The following CHRM3 variants were observed in gnomAD, a reference collection of about 807,000 sequenced individuals.
CHRM3 encodes the protein cholinergic receptor muscarinic 3.
In CHRM3, 11 loss-of-function variants were observed where a neutral mutation model predicts 41.8. The ratio of observed to expected loss-of-function variants is 0.26; its 90% CI spans 0.17 to 0.44. The LOEUF (loss-of-function observed/expected upper bound fraction) is 0.44, where lower values mean the gene tolerates loss of function less well. CHRM3 is among the 20% of genes least tolerant of loss of function. The probability of loss-of-function intolerance (pLI) is 1.00; values close to 1 mark genes in which losing one functional copy is unlikely to be tolerated. For synonymous variants in CHRM3, 297 were observed against 301.4 expected (o/e 0.99, Z 0.15); for missense variants, 571 against 745.4 (o/e 0.77, Z 2.72).
At chr1:239,778,691 C>T (rs1012203609) in intron 5 of CHRM3, among the ~76,000 whole-genome samples, 9 of 152,114 alleles carry the variant, frequency 5.9e-5, no homozygotes, top group African/African-American at 1.9e-4. Context: ...CCCGTTGGTT[C>T]GCATAGTGTT....
intron 4 of CHRM3, among the ~76,000 whole-genome samples, chr1:239,639,964 G>C (rs61834775): frequency 6.6e-6 from 1 of 151,340 alleles, no homozygotes; most frequent in African/African-American, 2.4e-5. Context: ...TTGAGATTTT[G>C]TAGCATGAAG....
At position 239,911,828 on chromosome 1, in the gene CHRM3, G is replaced by A. The variant is rs924758292; in HGVS notation, c.*2604G>A. 3 of 166,824 alleles carry A rather than the reference G, an allele frequency of 1.8e-5. No individual in the cohort carries two copies. The highest frequency in any genetic ancestry group is 7.2e-5 in the African/African-American group (3 of 41,394). The allele number at this position is 166,824 out of a possible 1,614,324, so 10.3% of individuals were successfully genotyped here. On this transcript the variant is annotated 3_prime_UTR_variant, in exon 7 of 7. Transcript: ENST00000676153. ...ATAGAAAGGTATGTCCATTTCTTGGGTCACTTTCAGAGAAAGAAAACAAGC... is the reference window on the plus strand; with the variant it reads ...ATAGAAAGGTATGTCCATTTCTTGGATCACTTTCAGAGAAAGAAAACAAGC...
At chr1:239,800,584 G>T (rs1282141787) in intron 5 of CHRM3, among the ~76,000 whole-genome samples, 2 of 152,206 alleles carry the variant, frequency 1.3e-5, no homozygotes, top group East Asian at 3.9e-4. Context: ...TCAGAGTGAA[G>T]TCTGAGATTC....
intron 3 of CHRM3, chr1:239,606,246 T>C (rs1558366769): frequency 6.6e-6 from 1 of 152,052 alleles, no homozygotes; most frequent in East Asian, 1.9e-4. Context: ...ATTAAGTACA[T>C]GTTTTTCATT....
intron 5 of CHRM3, among the ~76,000 whole-genome samples, chr1:239,819,022 G>T (rs1275198810): frequency 1.3e-5 from 2 of 152,148 alleles, no homozygotes; most frequent in Non-Finnish European, 2.9e-5. Context: ...GTCTGCTGGG[G>T]CCTAGTGCAG....
intron 3 of CHRM3, among the ~76,000 whole-genome samples, chr1:239,572,675 A>G (rs1214527064): frequency 2.0e-5 from 3 of 152,206 alleles, no homozygotes; most frequent in South Asian, 4.1e-4. Flanking sequence ...ACAGGGTTTT[A>G]TAGTTTATTT....
At chr1:239,860,471 T>C (rs1675547936) in intron 6 of CHRM3, among the ~76,000 whole-genome samples, 1 of 152,204 alleles carries the variant, frequency 6.6e-6, no homozygotes. Context: ...TGAGTATCTT[T>C]TCCCTGAAAT....
intron 2 of CHRM3, among the ~76,000 whole-genome samples, chr1:239,522,785 G>A (rs1330601869): frequency 6.6e-6 from 1 of 152,130 alleles, no homozygotes; most frequent in South Asian, 2.1e-4. Flanking sequence ...AACTCTTAAT[G>A]TTTGTAAACA....
chr1:239,683,549 T>G (rs942112313), intron 5 of CHRM3, among the ~76,000 whole-genome samples: 1 of 152,192 alleles, frequency 6.6e-6, no homozygotes, highest in Non-Finnish European at 1.5e-5. Flanking sequence ...CTTTTTTACT[T>G]TTTTCTGCCA....
At chr1:239,412,718 A>G (rs1297911765) in intron 1 of CHRM3, among the ~76,000 whole-genome samples, 2 of 152,068 alleles carry the variant, frequency 1.3e-5, no homozygotes, top group African/African-American at 4.8e-5. Context: ...ATAAATGAGT[A>G]GAATAAGAGA....
chr1:239,847,354 T>C (rs1674352342), intron 6 of CHRM3, among the ~76,000 whole-genome samples: 1 of 152,224 alleles, frequency 6.6e-6, no homozygotes, highest in Non-Finnish European at 1.5e-5. Flanking sequence ...GCCATAAGAA[T>C]CTATGCCATA....
chr1:239,437,616 A>G (rs1276110295), intron 1 of CHRM3, among the ~76,000 whole-genome samples: 3 of 152,088 alleles, frequency 2.0e-5, no homozygotes, highest in Admixed American at 6.5e-5. Flanking sequence ...GGCTCACTGC[A>G]ATCTCTGCCT....
rs1572959891 is a variant in CHRM3 at position 239,619,105 on chromosome 1, G to C, written c.-312-13119G>C. On this transcript the variant is annotated intron_variant, in intron 3 of 6. Coordinates refer to ENST00000676153, the MANE Select transcript of CHRM3 (RefSeq NM_001375978.1). ...AATTTTTGTATTTTTAGTAGAGATG[G>C]GGTTTTGCCATGTTGGCCACACTGG... is the stretch of plus-strand genomic sequence containing the variant. Among the ~76,000 whole-genome samples, 6 of 151,638 alleles carry C rather than the reference G, an allele frequency of 4.0e-5. No homozygotes were observed. In the South Asian group the frequency reaches 1.3e-3, roughly 32 times the overall value.
chr1:239,567,918 G>T (rs1247153416), intron 3 of CHRM3, among the ~76,000 whole-genome samples: 1 of 152,114 alleles, frequency 6.6e-6, no homozygotes, highest in African/African-American at 2.4e-5. Context: ...CCTGCTGGTG[G>T]GTTCTCTCTA....
At chr1:239,439,562 G>A (rs756231401) in intron 1 of CHRM3, among the ~76,000 whole-genome samples, 10 of 152,154 alleles carry the variant, frequency 6.6e-5, no homozygotes, top group Middle Eastern at 3.4e-3. Context: ...AGCATTTATT[G>A]GATAAATCCT....
chr1:239,737,491 A>G (rs1223419169), intron 5 of CHRM3, among the ~76,000 whole-genome samples: 1 of 152,200 alleles, frequency 6.6e-6, no homozygotes, highest in African/African-American at 2.4e-5. Context: ...TTCAAATGCC[A>G]TTCAGCAAAG....
At chr1:239,613,464 G>C (rs932958110) in intron 3 of CHRM3, among the ~76,000 whole-genome samples, 2 of 152,184 alleles carry the variant, frequency 1.3e-5, no homozygotes, top group Admixed American at 6.5e-5. Context: ...CTCACACAAC[G>C]TGTGTATTTG....
intron 6 of CHRM3, among the ~76,000 whole-genome samples, chr1:239,870,116 G>A (rs553053043): frequency 6.6e-6 from 1 of 152,286 alleles, no homozygotes; most frequent in East Asian, 1.9e-4. Flanking sequence ...GTGCCCCTGG[G>A]AAGGTTCCTA....
chr1:239,481,434 A>C (rs568199926), intron 1 of CHRM3, among the ~76,000 whole-genome samples: 1 of 152,322 alleles, frequency 6.6e-6, no homozygotes, highest in South Asian at 2.1e-4. Flanking sequence ...CAATGTAAAA[A>C]TATCCAAGTT....
Sources: allele counts gnomAD v4.1 joint callset (sites outside exome capture counted in the v4.1 genomes callset), GRCh38; gene constraint gnomAD v4.1.1; transcripts MANE v1.5; gene names NCBI Gene and HGNC (gene_info 2026-07-23, HGNC 2026-07-21).